The following GCC2 variants were observed in gnomAD, a reference collection of about 807,000 sequenced individuals.
GCC2 encodes GRIP and coiled-coil domain containing 2, also known as GRIP and coiled-coil domain-containing protein 2.
A neutral mutation model predicts 210.6 loss-of-function variants in GCC2; 120 were observed. That is an observed-to-expected ratio of 0.57 (90% CI 0.49 to 0.66). The LOEUF (loss-of-function observed/expected upper bound fraction) is 0.66, where lower values mean the gene tolerates loss of function less well. Ranked by LOEUF, GCC2 falls within the 30% of genes least tolerant of loss-of-function variation. The probability of loss-of-function intolerance (pLI) is 0.00; values close to 1 mark genes in which losing one functional copy is unlikely to be tolerated. For synonymous variants in GCC2, 703 were observed against 652.7 expected (o/e 1.08, Z -1.17); for missense variants, 1,868 against 1,871.9 (o/e 1.00, Z 0.04).
intron 4 of GCC2, among the ~76,000 whole-genome samples, chr2:108,457,280 C>T (rs146084193): frequency 2.2e-4 from 33 of 152,110 alleles, no homozygotes; most frequent in East Asian, 3.9e-4. Context: ...ATGGCATTGT[C>T]GAAGATCGGT....
intron 4 of GCC2, among the ~76,000 whole-genome samples, chr2:108,458,547 G>A (rs1351912155): frequency 6.6e-6 from 1 of 151,720 alleles, no homozygotes. Flanking sequence ...GCATCCATCT[G>A]GTTCTGGGCT....
At chr2:108,505,504 A>G (rs949876748) in intron 22 of GCC2, among the ~76,000 whole-genome samples, 3 of 152,138 alleles carry the variant, frequency 2.0e-5, no homozygotes, top group East Asian at 1.9e-4. Context: ...AATACAGCAA[A>G]AATGATAGAT....
In GCC2 at chr2:108,507,740, A is replaced by G. The variant is rs1683274788; in HGVS notation, c.*110A>G. The G allele has an allele frequency of 1.3e-6, 1 of 781,220 alleles. No homozygotes were observed. Among genetic ancestry groups the G allele is most frequent in the African/African-American group, 1.8e-5 (1 of 56,902 alleles). The allele number at this position is 781,220 out of a possible 1,614,324, so 48.4% of individuals were successfully genotyped here. ...AAAGTGTGTATATATGTTTGCATCT[A>G]CATATATTTGTACATCTATATGACA... On this transcript the variant is annotated 3_prime_UTR_variant, in exon 23 of 23. Coordinates refer to ENST00000309863, the MANE Select transcript of GCC2 (RefSeq NM_181453.4).
intron 22 of GCC2, 149 bp from the exon 23 acceptor site, chr2:108,507,411 C>CG (rs1411707756): frequency 5.5e-6 from 2 of 364,636 alleles, no homozygotes; most frequent in Non-Finnish European, 1.0e-5. Flanking sequence ...AAGAACCCCC[C>CG]CCCCCAAAAA....
chr2:108,454,521 C>G (rs1485112752), intron 4 of GCC2, among the ~76,000 whole-genome samples: 2 of 152,110 alleles, frequency 1.3e-5, no homozygotes, highest in African/African-American at 4.8e-5. Flanking sequence ...TCACAGTAGT[C>G]TTCTTTGTAT....
chr2:108,467,121 T>A (rs1680938823), intron 4 of GCC2, among the ~76,000 whole-genome samples: 1 of 152,194 alleles, frequency 6.6e-6, no homozygotes, highest in South Asian at 2.1e-4. Context: ...TACTTTCCCA[T>A]ATACGTTTAG....
intron 10 of GCC2, 124 bp from the exon 11 acceptor site, chr2:108,482,163 G>C: frequency 1.6e-6 from 1 of 631,018 alleles, no homozygotes; most frequent in Non-Finnish European, 2.8e-6. Flanking sequence ...TCGTTCTGTA[G>C]CATGGACTTG....
In GCC2 at chr2:108,486,548, T is replaced by A; in HGVS notation, c.3830T>A (p.Ile1277Asn). 6.2e-7 allele frequency: 1 copy of A among 1,614,102 alleles called. No homozygotes were observed. Among genetic ancestry groups the A allele is most frequent in the East Asian group, 2.2e-5 (1 of 44,868 alleles). Reference protein sequence around the residue: ...LAEITSEKHKIHEHLKTSAEQ... With the variant: ...LAEITSEKHKNHEHLKTSAEQ... The stretch of plus-strand genomic sequence containing the variant: ...GAAATAACATCAGAGAAGCACAAAA[T>A]CCACGAGCACCTGAAAACCTCTGCG... Residue 1277 changes from isoleucine to asparagine, a missense_variant, in exon 16 of 23, where the codon ATC (isoleucine) becomes AAC (asparagine). This residue lies in a region of GCC2 where 1,847 missense variants were observed against 1,765.2 expected (regional missense o/e 1.05). Coordinates refer to ENST00000309863, the MANE Select transcript of GCC2 (RefSeq NM_181453.4).
intron 9 of GCC2, among the ~76,000 whole-genome samples, chr2:108,481,125 C>G (rs1681830154): frequency 6.6e-6 from 1 of 152,204 alleles, no homozygotes; most frequent in Non-Finnish European, 1.5e-5. Flanking sequence ...TCTGATCATT[C>G]TGTCCTTCAG....
intron 2 of GCC2, 22 bp downstream of exon 2, chr2:108,449,711 C>T (rs1437512316): frequency 6.2e-7 from 1 of 1,601,064 alleles, no homozygotes; most frequent in Non-Finnish European, 8.6e-7. Context: ...ACTTGAATAG[C>T]GGGCTTCCTG....
chr2:108,469,757 C>T lies in GCC2; in HGVS notation c.428C>T (p.Ser143Phe). ...NLKNELMAVR[S>F]KYSEDKANLQ... is the part of the protein sequence containing the mutation. Reference sequence around the variant, plus strand: ...AAAAATGAGTTGATGGCAGTACGTTCCAAATACAGTGAAGACAAAGCTAAC... The same window carrying T: ...AAAAATGAGTTGATGGCAGTACGTTTCAAATACAGTGAAGACAAAGCTAAC... Residue 143 changes from serine (S) to phenylalanine (F), a missense_variant, in exon 6 of 23, where the codon TCC becomes TTC. Physicochemically the swap from Ser to Phe is radical, Grantham distance 155. This residue lies in a region of GCC2 where 1,847 missense variants were observed against 1,765.2 expected (regional missense o/e 1.05). Coordinates refer to ENST00000309863, the MANE Select transcript of GCC2 (RefSeq NM_181453.4). 6.2e-7 allele frequency: 1 copy of T among 1,613,572 alleles called. No individual in the cohort carries two copies. Among genetic ancestry groups the T allele is most frequent in the East Asian group, 2.2e-5 (1 of 44,832 alleles).
chr2:108,455,764 A>G (rs913649527), intron 4 of GCC2, among the ~76,000 whole-genome samples: 1 of 152,086 alleles, frequency 6.6e-6, no homozygotes, highest in Non-Finnish European at 1.5e-5. Context: ...ATTCTTTTTT[A>G]TGGGCATATA....
At chr2:108,464,299 AGCCACC>A (rs1434500650) in intron 4 of GCC2, among the ~76,000 whole-genome samples, 1 of 152,186 alleles carries the variant, frequency 6.6e-6, no homozygotes, top group African/African-American at 2.4e-5. Context: ...GAGAATGCTC[AGCCACC>A]CCTCTGCATG....
chr2:108,481,923 C>T, intron 10 of GCC2, 107 bp downstream of exon 10: 1 of 761,354 alleles, frequency 1.3e-6, no homozygotes, highest in Non-Finnish European at 2.0e-6. Context: ...AGAATTTATT[C>T]CCCCCCCACT....
chr2:108,454,699 A>G (rs1452808665), intron 4 of GCC2, among the ~76,000 whole-genome samples: 2 of 152,136 alleles, frequency 1.3e-5, no homozygotes, highest in East Asian at 1.9e-4. Flanking sequence ...TTCTTTCTCT[A>G]TGATTCAGTT....
In GCC2 at chr2:108,471,432, A is replaced by T; in HGVS notation, c.2103A>T (p.Lys701Asn). The T allele has an allele frequency of 6.2e-7, 1 of 1,608,476 alleles. No individual in the cohort carries two copies. The highest frequency in any genetic ancestry group is 8.5e-7 in the Non-Finnish European group (1 of 1,178,606). Residue 701 changes from lysine (K) to asparagine (N), a missense_variant, in exon 6 of 23, where the codon AAA becomes AAT. Lys to Asn is a moderately conservative substitution (Grantham distance 94). This residue lies in a region of GCC2 where 1,847 missense variants were observed against 1,765.2 expected (regional missense o/e 1.05). Coordinates refer to ENST00000309863, the MANE Select transcript of GCC2 (RefSeq NM_181453.4). ...YEENNKLSSE[K>N]KQLSRDLEVF... is the part of the protein sequence containing the mutation. ...AAAACAATAAACTCAGTTCAGAAAA[A>T]AAACAGTTGAGTAGGGATTTGGAGG...
intron 18 of GCC2, among the ~76,000 whole-genome samples, chr2:108,491,011 T>C (rs1164933108): frequency 6.6e-6 from 1 of 152,210 alleles, no homozygotes; most frequent in Non-Finnish European, 1.5e-5. Flanking sequence ...CTAATGGTAT[T>C]GTTACTGTCT....
rs757883913 is a variant in GCC2, at chr2:108,471,659, A to C, written c.2330A>C (p.Lys777Thr). Residue 777 changes from lysine (K) to threonine (T), a missense_variant, in exon 6 of 23, where the codon AAA becomes ACA. Transcript: ENST00000309863. ...GAAGTTTCAGAAGACAGTGAAGAGA[A>C]AGATGTTGTTAATGTCCTACAGGCA... ...GSEVSEDSEE[K>T]DVVNVLQAVG... The C allele has an allele frequency of 1.1e-5, 17 of 1,613,440 alleles. No homozygotes were observed. In the Admixed American group the frequency reaches 2.8e-4, roughly 27 times the overall value.
chr2:108,466,484 A>T (rs1161332396), intron 4 of GCC2, among the ~76,000 whole-genome samples: 1 of 150,462 alleles, frequency 6.6e-6, no homozygotes, highest in Non-Finnish European at 1.5e-5. Flanking sequence ...TTATTTATTT[A>T]TTTTTTGAGA....
Sources: allele counts gnomAD v4.1 joint callset (sites outside exome capture counted in the v4.1 genomes callset), GRCh38; gene constraint gnomAD v4.1.1; regional missense constraint gnomAD v4.1.1; transcripts MANE v1.5; gene names NCBI Gene and HGNC (gene_info 2026-07-23, HGNC 2026-07-21).